The following SGIP1 variants were observed in gnomAD, a reference collection of about 807,000 sequenced individuals.
The protein encoded by SGIP1 is SH3GL interacting endocytic adaptor 1.
A neutral mutation model predicts 107.5 loss-of-function variants in SGIP1; 38 were observed. The ratio of observed to expected loss-of-function variants is 0.35; its 90% confidence interval spans 0.27 to 0.46. SGIP1 has a LOEUF of 0.46. SGIP1 is among the 20% of genes least tolerant of loss of function. The probability of loss-of-function intolerance (pLI) is 1.00; values close to 1 mark genes in which losing one functional copy is unlikely to be tolerated. For missense variants in SGIP1, 929 were observed against 1,019.5 expected, an observed-to-expected ratio of 0.91 and a Z score of 1.21; for synonymous variants, 365 against 366.1, an observed-to-expected ratio of 1.00 and a Z score of 0.03.
intron 9 of SGIP1, among the ~76,000 whole-genome samples, chr1:66,669,608 C>T (rs762041737): frequency 9.2e-5 from 14 of 152,310 alleles, no homozygotes; most frequent in Middle Eastern, 3.4e-3. Flanking sequence ...TTTCCAAAAG[C>T]GAACCTGTAT....
Position 66,633,167 on chromosome 1 carries a change from T to C in SGIP1, c.99+73T>C, listed in dbSNP as rs1183442912. 8 of 929,810 alleles carry C rather than the reference T, an allele frequency of 8.6e-6. No homozygotes were observed. The African/African-American group carries it at 1.0e-4, about 12-fold the overall frequency. 57.6% of individuals were successfully genotyped at this position (929,810 alleles called of 1,614,324 possible). A position where few individuals can be genotyped will look rare whatever the true frequency, so the allele number is the denominator to read the frequency against. On this transcript the variant is annotated intron_variant, in intron 3 of 24. Coordinates refer to ENST00000371037, the MANE Select transcript of SGIP1 (RefSeq NM_032291.4). ...GCTATGTTTAAATTTCTCAAAGCCCTTTTTTTTTCCTGTAGGGAAAAAAAT... is the reference window on the plus strand; with the variant it reads ...GCTATGTTTAAATTTCTCAAAGCCCCTTTTTTTTCCTGTAGGGAAAAAAAT...
intron 16 of SGIP1, 96 bp from the exon 17 acceptor site, chr1:66,690,094 A>C: frequency 7.1e-7 from 1 of 1,408,818 alleles, no homozygotes; most frequent in Non-Finnish European, 9.8e-7. Context: ...CAGATACCTA[A>C]GTTGTCATAT....
At chr1:66,720,489 A>G (rs2093474723) in intron 19 of SGIP1, among the ~76,000 whole-genome samples, 1 of 152,164 alleles carries the variant, frequency 6.6e-6, no homozygotes, top group Admixed American at 6.5e-5. Context: ...GCACTTTGGG[A>G]GGCCAAGACA....
At chr1:66,696,959 T>G (rs907905281) in intron 18 of SGIP1, among the ~76,000 whole-genome samples, 1 of 152,226 alleles carries the variant, frequency 6.6e-6, no homozygotes, top group African/African-American at 2.4e-5. Flanking sequence ...ACCTGCATAC[T>G]TAAAGGCACT....
At chr1:66,657,135 C>T (rs2079959753) in intron 7 of SGIP1, among the ~76,000 whole-genome samples, 1 of 152,086 alleles carries the variant, frequency 6.6e-6, no homozygotes, top group Non-Finnish European at 1.5e-5. Flanking sequence ...ATGATTACAC[C>T]ACTGCGCTTC....
chr1:66,729,229 TC>T, intron 19 of SGIP1, 34 bp from the exon 20 acceptor site: 1 of 775,504 alleles, frequency 1.3e-6, no homozygotes, highest in Non-Finnish European at 1.8e-6. Flanking sequence ...ACATGGATTT[TC>T]TCTCTCTTTC....
rs141541101 is a variant in SGIP1 at position 66,547,802 on chromosome 1, G to A, written c.10+13434G>A. Among the ~76,000 whole-genome samples, 15 of 152,240 alleles carry A rather than the reference G, an allele frequency of 9.9e-5. No homozygotes were observed. In the East Asian group the frequency reaches 2.1e-3, roughly 22 times the overall value. ...TCAGTGAAAGAGGCAAAATGGAATCGTGGTGGAGAATGGGAGGGGTGGCGG... is the reference window on the plus strand; with the variant it reads ...TCAGTGAAAGAGGCAAAATGGAATCATGGTGGAGAATGGGAGGGGTGGCGG... On this transcript the variant is annotated intron_variant, in intron 1 of 24. Transcript: ENST00000371037.
chr1:66,735,181 C>A (rs2094177782), intron 21 of SGIP1, among the ~76,000 whole-genome samples: 1 of 77,434 alleles, frequency 1.3e-5, no homozygotes. Context: ...ATAAGATCAA[C>A]TTTTATTTTT....
At chr1:66,633,225 G>A (rs1402886660) in intron 3 of SGIP1, 131 bp downstream of exon 3, 7 of 671,644 alleles carry the variant, frequency 1.0e-5, no homozygotes, top group East Asian at 1.0e-4. Flanking sequence ...TCTCACTATT[G>A]GAATTTTCTA....
At chr1:66,648,404 G>GTGAT in intron 7 of SGIP1, among the ~76,000 whole-genome samples, 1 of 152,056 alleles carries the variant, frequency 6.6e-6, no homozygotes, top group East Asian at 1.9e-4. Context: ...GAGTGAGTGA[G>GTGAT]TGAACAAATA....
chr1:66,541,594 T>C (rs150356145), intron 1 of SGIP1, among the ~76,000 whole-genome samples: 1 of 152,242 alleles, frequency 6.6e-6, no homozygotes, highest in African/African-American at 2.4e-5. Flanking sequence ...TCTACTCACA[T>C]GTTTTTTGGT....
intron 1 of SGIP1, among the ~76,000 whole-genome samples, chr1:66,580,915 T>C (rs772676520): frequency 5.3e-5 from 8 of 152,118 alleles, no homozygotes; most frequent in Non-Finnish European, 7.4e-5. Flanking sequence ...CTGTTGTAAC[T>C]AACAACCAGC....
Position 66,639,923 on chromosome 1 carries a change from C to T in SGIP1, c.228+90C>T, listed in dbSNP as rs897016155. 2.9e-5 allele frequency: 29 copies of T among 1,011,720 alleles called. No homozygotes were observed. In the East Asian group the frequency reaches 4.2e-4, roughly 15 times the overall value. The allele number at this position is 1,011,720 out of a possible 1,614,324, so 62.7% of individuals were successfully genotyped here. Reference sequence around the variant, plus strand: ...TCTTATAATAGGACTTAGAAATAAGCGAAATGCTCTCCATGTCATTAGGAA... The same window carrying T: ...TCTTATAATAGGACTTAGAAATAAGTGAAATGCTCTCCATGTCATTAGGAA... On this transcript the variant is annotated intron_variant, in intron 5 of 24. Coordinates refer to ENST00000371037, the MANE Select transcript of SGIP1 (RefSeq NM_032291.4).
At chr1:66,631,095 G>GAA (rs1448514058) in intron 2 of SGIP1, among the ~76,000 whole-genome samples, 2 of 136,462 alleles carry the variant, frequency 1.5e-5, no homozygotes, top group African/African-American at 5.2e-5. Context: ...AAGAAAGAAA[G>GAA]AAAGAAAAAA....
chr1:66,601,561 G>C (rs547705420), intron 1 of SGIP1, among the ~76,000 whole-genome samples: 105 of 151,862 alleles, frequency 6.9e-4, no homozygotes, highest in Non-Finnish European at 1.4e-3. Flanking sequence ...GAAAAGAATA[G>C]AATAGAATCC....
At chr1:66,568,769 CATG>C (rs1219047051) in intron 1 of SGIP1, among the ~76,000 whole-genome samples, 11 of 151,972 alleles carry the variant, frequency 7.2e-5, no homozygotes, top group Non-Finnish European at 1.6e-4. Flanking sequence ...ACAAAAACCA[CATG>C]ATTATCTCAA....
intron 12 of SGIP1, among the ~76,000 whole-genome samples, chr1:66,675,080 C>G (rs1354979102): frequency 1.3e-5 from 2 of 152,164 alleles, no homozygotes; most frequent in Non-Finnish European, 2.9e-5. Context: ...TGTGATCAAT[C>G]TCACTCTTAA....
chr1:66,642,752 A>T (rs1267124756), intron 5 of SGIP1, 58 bp from the exon 6 acceptor site: 3 of 1,438,264 alleles, frequency 2.1e-6, no homozygotes, highest in East Asian at 2.3e-5. Context: ...TAGAAAAAAA[A>T]TAATTTCTTG....
At chr1:66,564,920 C>T (rs1014864069) in intron 1 of SGIP1, among the ~76,000 whole-genome samples, 15 of 151,984 alleles carry the variant, frequency 9.9e-5, no homozygotes, top group East Asian at 1.9e-4. Context: ...ATGTAACTAG[C>T]GTAATAGTAA....
Sources: gnomAD v4.1 joint callset for allele counts (sites outside exome capture counted in the v4.1 genomes callset) on GRCh38, gnomAD v4.1.1 for gene constraint, MANE v1.5 for transcripts, NCBI Gene and HGNC (gene_info 2026-07-23, HGNC 2026-07-21) for gene names.